Variants in TRPM7 observed in about 807,000 individuals in gnomAD.
TRPM7 encodes LTRPC ion channel family member 7.
A neutral mutation model predicts 229.7 loss-of-function variants in TRPM7; 134 were observed. That is an observed-to-expected ratio of 0.58 (90% CI 0.51 to 0.67). TRPM7 has a LOEUF of 0.67. TRPM7 is among the 30% of genes least tolerant of loss of function. TRPM7 has a pLI of 0.00. For synonymous variants in TRPM7, 699 were observed against 715.2 expected (o/e 0.98, Z 0.36); for missense variants, 1,901 against 2,210.0 (o/e 0.86, Z 2.80).
At chr15:50,624,793 G>A (rs1052927991) in intron 11 of TRPM7, among the ~76,000 whole-genome samples, 2 of 152,200 alleles carry the variant, frequency 1.3e-5, no homozygotes, top group African/African-American at 4.8e-5. Flanking sequence ...AGATGTTTAT[G>A]ACTGAAAAAC....
chr15:50,569,544 T>C (rs1464612806), intron 38 of TRPM7, among the ~76,000 whole-genome samples: 1 of 152,172 alleles, frequency 6.6e-6, no homozygotes, highest in Non-Finnish European at 1.5e-5. Flanking sequence ...TTGGCATTTA[T>C]CAGTCCTGTA....
chr15:50,678,067 G>A (rs920724493), intron 1 of TRPM7, among the ~76,000 whole-genome samples: 2 of 148,472 alleles, frequency 1.3e-5, no homozygotes, highest in East Asian at 2.0e-4. Flanking sequence ...GTGAAACCAC[G>A]TCTCTACTAA....
At position 50,560,100 on chromosome 15, in the gene TRPM7, T is replaced by A. The variant is rs2053255172; in HGVS notation, c.*1578A>T. On this transcript the variant is annotated 3_prime_UTR_variant, in exon 39 of 39. Transcript: ENST00000646667. ...AAATTAAAAATCAACAGACAGCCCA[T>A]ATTGCCCTTTTTTGGCCTAACAAAA... 2 of 149,568 alleles carry A rather than the reference T, an allele frequency of 1.3e-5. No individual in the cohort carries two copies. The highest frequency in any genetic ancestry group is 4.9e-5 in the African/African-American group (2 of 40,468). 9.3% of individuals were successfully genotyped at this position (149,568 alleles called of 1,614,324 possible).
intron 4 of TRPM7, among the ~76,000 whole-genome samples, chr15:50,644,321 G>A (rs1277254910): frequency 6.6e-6 from 1 of 152,188 alleles, no homozygotes; most frequent in Non-Finnish European, 1.5e-5. Context: ...AGACTTACTT[G>A]CTATACTCAC....
intron 13 of TRPM7, 77 bp downstream of exon 13, chr15:50,619,668 A>ATT (rs34352984): frequency 9.5e-6 from 11 of 1,159,082 alleles, no homozygotes; most frequent in African/African-American, 3.2e-5. Flanking sequence ...TATTTAAATG[A>ATT]TTTTTTTTTT....
Position 50,574,867 on chromosome 15 carries a change from C to T in TRPM7, c.5004G>A (p.Leu1668=). 1 of 1,611,720 alleles carries T rather than the reference C, an allele frequency of 6.2e-7. No homozygotes were observed. Among genetic ancestry groups the T allele is most frequent in the Non-Finnish European group, 8.5e-7 (1 of 1,178,566 alleles). ...WSSIYKEDTV[L]HLCLREIQQQ... ...TGACACTTACTCTCAGACAGAGATGCAGAACTGTATCTTCTTTGTAAATAC... is the reference window on the plus strand; with the variant it reads ...TGACACTTACTCTCAGACAGAGATGTAGAACTGTATCTTCTTTGTAAATAC... Residue 1668 remains leucine (L), a synonymous_variant, in exon 34 of 39, where the codon CTG becomes CTA. Coordinates refer to ENST00000646667, the MANE Select transcript of TRPM7 (RefSeq NM_017672.6).
At chr15:50,567,878 G>T (rs2053675396) in intron 38 of TRPM7, among the ~76,000 whole-genome samples, 1 of 151,876 alleles carries the variant, frequency 6.6e-6, no homozygotes, top group African/African-American at 2.4e-5. Flanking sequence ...CACAAGGTCA[G>T]GAGATCGAGA....
chr15:50,685,266 C>T (rs959343385), intron 1 of TRPM7, among the ~76,000 whole-genome samples: 2 of 152,222 alleles, frequency 1.3e-5, no homozygotes, highest in South Asian at 4.1e-4. Flanking sequence ...AATTAAGAGA[C>T]GAGCCTGCCA....
intron 21 of TRPM7, chr15:50,604,599 G>T: frequency 4.3e-6 from 1 of 232,922 alleles, no homozygotes; most frequent in Non-Finnish European, 8.2e-6. Context: ...AAAAAGCCTG[G>T]ATCAGTGAAG....
intron 1 of TRPM7, among the ~76,000 whole-genome samples, chr15:50,667,690 G>T (rs574845807): frequency 1.3e-5 from 2 of 152,274 alleles, no homozygotes; most frequent in South Asian, 4.1e-4. Flanking sequence ...CTGGGCAACA[G>T]AAGGAGACTC....
At chr15:50,628,649 A>G (rs12899581) in intron 10 of TRPM7, among the ~76,000 whole-genome samples, 11,449 of 152,244 alleles carry the variant, frequency 0.075, 562 homozygotes, top group South Asian at 0.12. Context: ...GTTAACTTAC[A>G]CAGCTGGTGT....
intron 1 of TRPM7, among the ~76,000 whole-genome samples, chr15:50,678,440 CT>C (rs1363529093): frequency 1.3e-5 from 2 of 150,300 alleles, no homozygotes; most frequent in African/African-American, 4.9e-5. Context: ...CTGACTTCCC[CT>C]ATCAGAGTTC....
At chr15:50,678,223 G>A (rs62017245) in intron 1 of TRPM7, among the ~76,000 whole-genome samples, 1 of 134,120 alleles carries the variant, frequency 7.5e-6, no homozygotes, top group Non-Finnish European at 1.6e-5. Flanking sequence ...CTGGGCAACA[G>A]AGTGAGACTC....
Position 50,613,718 on chromosome 15 carries a change from A to G in TRPM7, c.1759T>C (p.Tyr587His). 6.3e-7 allele frequency: 1 copy of G among 1,584,150 alleles called. No homozygotes were observed. The stretch of plus-strand genomic sequence containing the variant: ...TTAAATAAATTTACCTTTGGTCGGT[A>G]GGGCTGTGCTGTCTTAATGAAATGG... ...HNHFIKTAQP[Y>H]RPKIDTVMEE... Residue 587 changes from tyrosine to histidine, a missense_variant, in exon 15 of 39, where the codon TAC (tyrosine) becomes CAC (histidine). Transcript: ENST00000646667.
At position 50,592,629 on chromosome 15, in the gene TRPM7, G is replaced by A; in HGVS notation, c.3609-3C>T. On this transcript the variant is annotated splice_region_variant and splice_polypyrimidine_tract_variant and intron_variant, in intron 25 of 38. Transcript: ENST00000646667. The stretch of plus-strand genomic sequence containing the variant: ...TCTGAATGCACATCTGTTCCACTCT[G>A]TAGGAGAGAAATAAGCTTTTTTTAC... 6.6e-7 allele frequency: 1 copy of A among 1,515,200 alleles called. No individual in the cohort carries two copies. The allele number at this position is 1,515,200 out of a possible 1,614,324, so 93.9% of individuals were successfully genotyped here. A position where few individuals can be genotyped will look rare whatever the true frequency, so the allele number is the denominator to read the frequency against.
At chr15:50,656,102 T>C (rs2061561719) in intron 3 of TRPM7, among the ~76,000 whole-genome samples, 1 of 151,900 alleles carries the variant, frequency 6.6e-6, no homozygotes, top group South Asian at 2.1e-4. Context: ...AAAAGAAATA[T>C]ATTTTCAGAT....
intron 5 of TRPM7, among the ~76,000 whole-genome samples, 194 bp downstream of exon 5, chr15:50,643,146 G>A (rs915370824): frequency 5.3e-5 from 8 of 152,054 alleles, no homozygotes; most frequent in African/African-American, 9.7e-5. Flanking sequence ...AAAATTAACC[G>A]GGCATGGTGG....
chr15:50,607,885 GAAAAAAAA>G (rs758254672), intron 19 of TRPM7, among the ~76,000 whole-genome samples: 2 of 109,222 alleles, frequency 1.8e-5, no homozygotes, highest in South Asian at 3.1e-4. Context: ...CATCTCTACT[GAAAAAAAA>G]AAAAAAAAAA....
chr15:50,609,078 C>A (rs1024430795), intron 19 of TRPM7, among the ~76,000 whole-genome samples: 1 of 151,974 alleles, frequency 6.6e-6, no homozygotes, highest in Admixed American at 6.6e-5. Flanking sequence ...AGAGAAAAGC[C>A]AATTATATGG....
Sources: allele counts gnomAD v4.1 joint callset (sites outside exome capture counted in the v4.1 genomes callset), GRCh38; gene constraint gnomAD v4.1.1; transcripts MANE v1.5; gene names NCBI Gene and HGNC (gene_info 2026-07-23, HGNC 2026-07-21).